The following ATG13 variants were observed in gnomAD, a reference collection of about 807,000 sequenced individuals.
The protein encoded by ATG13 is autophagy-related protein 13.
In ATG13, 23 loss-of-function variants were observed where a neutral mutation model predicts 65.5. The observed-to-expected ratio is 0.35, with a 90% CI of 0.25 to 0.50. ATG13 has a LOEUF of 0.50. Ranked by LOEUF, ATG13 falls within the 20% of genes least tolerant of loss-of-function variation. The probability of loss-of-function intolerance (pLI) is 0.98; values close to 1 mark genes in which losing one functional copy is unlikely to be tolerated. For synonymous variants in ATG13, 252 were observed against 245.2 expected (o/e 1.03, Z -0.26); for missense variants, 566 against 677.0 (o/e 0.84, Z 1.82).
At chr11:46,642,304 GTTTTTTTTTT>G (rs200225497) in intron 2 of ATG13, among the ~76,000 whole-genome samples, 3 of 107,918 alleles carry the variant, frequency 2.8e-5, no homozygotes, top group Admixed American at 1.2e-4. Flanking sequence ...ATTTTTGTGG[GTTTTTTTTTT>G]TTTTTTTTTT....
chr11:46,620,109 C>T (rs1439518501), intron 1 of ATG13, among the ~76,000 whole-genome samples: 1 of 151,156 alleles, frequency 6.6e-6, no homozygotes, highest in African/African-American at 2.4e-5. Context: ...TTGTTTTTTG[C>T]AATGGAGTTT....
intron 2 of ATG13, among the ~76,000 whole-genome samples, chr11:46,630,618 A>T (rs2051359539): frequency 7.2e-6 from 1 of 137,936 alleles, no homozygotes; most frequent in Non-Finnish European, 1.5e-5. Context: ...CCCAGTCTGG[A>T]ATGCAGTGGA....
intron 11 of ATG13, 64 bp from the exon 12 acceptor site, chr11:46,663,933 C>T: frequency 1.6e-6 from 2 of 1,222,630 alleles, no homozygotes; most frequent in Admixed American, 2.3e-5. Context: ...ACTTCTTTCT[C>T]AAGTCCCTTT....
At chr11:46,669,327 A>G (rs990179166) in intron 17 of ATG13, 77 bp from the exon 18 acceptor site, 2 of 1,540,082 alleles carry the variant, frequency 1.3e-6, no homozygotes, top group South Asian at 1.1e-5. Context: ...GATAATTGCT[A>G]GAAGGAAAGA....
At chr11:46,619,305 G>A (rs1256363893) in intron 1 of ATG13, among the ~76,000 whole-genome samples, 2 of 150,132 alleles carry the variant, frequency 1.3e-5, no homozygotes, top group African/African-American at 4.9e-5. Flanking sequence ...GTCCCTAAAG[G>A]GATTTAAAGG....
intron 1 of ATG13, among the ~76,000 whole-genome samples, chr11:46,619,413 T>A (rs918813153): frequency 1.5e-5 from 2 of 137,790 alleles, no homozygotes; most frequent in Admixed American, 7.3e-5. Flanking sequence ...AGACGGAGTT[T>A]CACTCTGGTT....
intron 2 of ATG13, among the ~76,000 whole-genome samples, chr11:46,640,054 A>G: frequency 6.6e-6 from 1 of 151,894 alleles, no homozygotes; most frequent in South Asian, 2.1e-4. Flanking sequence ...CATGTTGCCC[A>G]GGCTGGTCTC....
intron 1 of ATG13, among the ~76,000 whole-genome samples, chr11:46,629,411 T>C (rs2050892109): frequency 6.6e-6 from 1 of 152,160 alleles, no homozygotes; most frequent in Non-Finnish European, 1.5e-5. Flanking sequence ...TTTTGTTTTT[T>C]TCCGAGACAG....
intron 2 of ATG13, among the ~76,000 whole-genome samples, chr11:46,639,950 C>A (rs1020435054): frequency 1.0e-4 from 15 of 150,588 alleles, no homozygotes; most frequent in Non-Finnish European, 1.6e-4. Flanking sequence ...GCCTCCCAGG[C>A]TCAAGCAATC....
intron 5 of ATG13, 112 bp downstream of exon 5, chr11:46,646,101 T>A: frequency 7.1e-7 from 1 of 1,405,226 alleles, no homozygotes; most frequent in Non-Finnish European, 9.6e-7. Flanking sequence ...GATATTCTTA[T>A]CATTCTCTGA....
chr11:46,670,153 G>A (rs1406414495), intron 18 of ATG13, among the ~76,000 whole-genome samples: 1 of 152,116 alleles, frequency 6.6e-6, no homozygotes, highest in Non-Finnish European at 1.5e-5. Context: ...AGCTGCCCTG[G>A]ATTTGCTTTA....
chr11:46,656,948 C>T (rs1294566220), intron 8 of ATG13, 147 bp from the exon 9 acceptor site: 13 of 671,678 alleles, frequency 1.9e-5, no homozygotes, highest in East Asian at 1.8e-4. Context: ...CACACACACA[C>T]ATATGAAATT....
chr11:46,667,699 T>G, intron 14 of ATG13, 74 bp from the exon 15 acceptor site: 1 of 1,155,176 alleles, frequency 8.7e-7, no homozygotes, highest in Non-Finnish European at 1.3e-6. Context: ...CCCCACCAGA[T>G]GGTGTATTTA....
chr11:46,661,404 G>A (rs960356962), intron 11 of ATG13, among the ~76,000 whole-genome samples: 1 of 150,620 alleles, frequency 6.6e-6, no homozygotes, highest in Admixed American at 6.7e-5. Context: ...TATAATCCCA[G>A]CTACTCAGGA....
chr11:46,647,498 G>A (rs1330023652), intron 5 of ATG13, among the ~76,000 whole-genome samples: 1 of 151,720 alleles, frequency 6.6e-6, no homozygotes, highest in Non-Finnish European at 1.5e-5. Flanking sequence ...GGCTGGTCTC[G>A]AACTCCTGAC....
chr11:46,621,510 G>C (rs1242206127), intron 1 of ATG13, among the ~76,000 whole-genome samples: 1 of 152,116 alleles, frequency 6.6e-6, no homozygotes, highest in African/African-American at 2.4e-5. Flanking sequence ...TGGGGTTTCA[G>C]TGTTTCTACA....
At chr11:46,624,774 A>G (rs2048926221) in intron 1 of ATG13, among the ~76,000 whole-genome samples, 1 of 152,132 alleles carries the variant, frequency 6.6e-6, no homozygotes, top group African/African-American at 2.4e-5. Flanking sequence ...CTCATGCTGT[A>G]ATAATCATAG....
At chr11:46,652,844 CT>C (rs2059194242) in intron 7 of ATG13, among the ~76,000 whole-genome samples, 1 of 152,186 alleles carries the variant, frequency 6.6e-6, no homozygotes, top group African/African-American at 2.4e-5. Flanking sequence ...AGCAAGATCT[CT>C]TTTACCAACA....
At chr11:46,624,677 T>G (rs1344759555) in intron 1 of ATG13, among the ~76,000 whole-genome samples, 6 of 152,132 alleles carry the variant, frequency 3.9e-5, no homozygotes, top group Non-Finnish European at 8.8e-5. Context: ...TGAAGTCAGT[T>G]TCTTCAATTG....
Sources: allele counts gnomAD v4.1 joint callset (sites outside exome capture counted in the v4.1 genomes callset), GRCh38; gene constraint gnomAD v4.1.1; transcripts MANE v1.5; gene names NCBI Gene and HGNC (gene_info 2026-07-23, HGNC 2026-07-21).